ANO5: variants seen among roughly 807,000 people sequenced by gnomAD.
ANO5 encodes anoctamin-5.
Under a neutral mutation model 121.0 loss-of-function variants are expected in ANO5, and 109 were observed. The ratio of observed to expected loss-of-function variants is 0.90; its 90% confidence interval spans 0.77 to 1.06. The LOEUF (loss-of-function observed/expected upper bound fraction) is 1.06. ANO5 is among the 50% of genes least tolerant of loss of function. The pLI is 0.00. For missense variants in ANO5, 1,064 were observed against 1,078.5 expected, an observed-to-expected ratio of 0.99 and a Z score of 0.19; for synonymous variants, 406 against 359.9, an observed-to-expected ratio of 1.13 and a Z score of -1.45.
chr11:22,225,317 C>T (rs983698122), intron 5 of ANO5, among the ~76,000 whole-genome samples: 5 of 151,740 alleles, frequency 3.3e-5, no homozygotes, highest in Non-Finnish European at 5.9e-5. Context: ...AAAAATTATC[C>T]GAGTGTGGAG....
intron 2 of ANO5, among the ~76,000 whole-genome samples, chr11:22,209,333 A>T (rs1394993157): frequency 1.3e-5 from 2 of 151,946 alleles, no homozygotes; most frequent in African/African-American, 4.8e-5. Context: ...CATTAATTTT[A>T]AAAAGTCAAC....
chr11:22,196,377 G>A (rs7118233), intron 1 of ANO5, among the ~76,000 whole-genome samples: 115,154 of 152,060 alleles, frequency 0.76, 43,913 homozygotes, highest in Non-Finnish European at 0.81. Context: ...CCCTCATGAC[G>A]TAATCACCTC....
intron 13 of ANO5, 142 bp downstream of exon 13, chr11:22,255,664 TATAC>T (rs1853979498): frequency 3.3e-6 from 3 of 899,238 alleles, no homozygotes; most frequent in Non-Finnish European, 5.1e-6. Context: ...TTGTTTCTAA[TATAC>T]ATACATGTAT....
At chr11:22,252,263 A>G (rs1489422485) in intron 12 of ANO5, among the ~76,000 whole-genome samples, 2 of 152,112 alleles carry the variant, frequency 1.3e-5, no homozygotes, top group Non-Finnish European at 1.5e-5. Flanking sequence ...TGTTGTATAT[A>G]CATCCATTTT....
chr11:22,278,530 CTTT>C (rs552412650), intron 21 of ANO5, among the ~76,000 whole-genome samples: 2 of 134,730 alleles, frequency 1.5e-5, no homozygotes, highest in African/African-American at 5.4e-5. Flanking sequence ...GGTTCTTTTC[CTTT>C]TTTTTTTTTT....
chr11:22,200,190 A>G (rs538714326), intron 1 of ANO5, among the ~76,000 whole-genome samples: 2 of 152,286 alleles, frequency 1.3e-5, no homozygotes, highest in East Asian at 3.9e-4. Context: ...GTTTACAAAA[A>G]TTATTTCATT....
At chr11:22,227,655 A>T in intron 7 of ANO5, 69 bp downstream of exon 7, 2 of 1,559,656 alleles carry the variant, frequency 1.3e-6, no homozygotes, top group Non-Finnish European at 1.8e-6. Context: ...GCTTTTATAC[A>T]TGTGCAGATG....
intron 12 of ANO5, among the ~76,000 whole-genome samples, chr11:22,252,555 T>A (rs1276216007): frequency 6.6e-6 from 1 of 152,220 alleles, no homozygotes; most frequent in Non-Finnish European, 1.5e-5. Context: ...AATTTTTTTA[T>A]GATTCACATG....
At chr11:22,269,493 AAGAAAAGGAAGGAAAGAAAAAAAG>A (rs1854523071) in intron 17 of ANO5, among the ~76,000 whole-genome samples, 1 of 14,418 alleles carries the variant, frequency 6.9e-5, no homozygotes, top group African/African-American at 4.7e-4. Flanking sequence ...GGAAAGAAAA[AAGAAAAGGAAGGAAAGAAAAAAAG>A]AAAAGGAAGG....
chr11:22,257,568 G>C (rs1854043172), intron 13 of ANO5, 112 bp from the exon 14 acceptor site: 1 of 832,150 alleles, frequency 1.2e-6, no homozygotes, highest in African/African-American at 1.7e-5. Context: ...CCTATAGTAG[G>C]CCCTTTTGGG....
At position 22,245,579 on chromosome 11, in the gene ANO5, A is replaced by T. The variant is rs914467458; in HGVS notation, c.879-4658A>T. On this transcript the variant is annotated intron_variant, in intron 9 of 21. Transcript: ENST00000324559. ...TTTTATTACAGTATTATTCAATTTCATGTTATTTGGGGAGAATTATCAGAC... is the reference window on the plus strand; with the variant it reads ...TTTTATTACAGTATTATTCAATTTCTTGTTATTTGGGGAGAATTATCAGAC... Among the ~76,000 whole-genome samples the T allele has an allele frequency of 4.6e-5, 7 of 151,902 alleles. No individual in the cohort carries two copies. The East Asian group carries it at 7.7e-4, about 17-fold the overall frequency.
chr11:22,242,455 TA>T (rs1315201714), intron 9 of ANO5, among the ~76,000 whole-genome samples: 3 of 152,174 alleles, frequency 2.0e-5, no homozygotes, highest in African/African-American at 7.2e-5. Flanking sequence ...GTGATAGGAA[TA>T]ACATTGAATT....
intron 21 of ANO5, among the ~76,000 whole-genome samples, 184 bp from the exon 22 acceptor site, chr11:22,279,360 A>G (rs1854988168): frequency 6.6e-6 from 1 of 151,878 alleles, no homozygotes; most frequent in African/African-American, 2.4e-5. Context: ...ATTTAAGTAT[A>G]TATTTATTTG....
chr11:22,261,755 C>G (rs2133746054), intron 15 of ANO5: 1 of 237,914 alleles, frequency 4.2e-6, no homozygotes, highest in African/African-American at 2.3e-5. Flanking sequence ...GATTCAATGG[C>G]CTCCCACCAG....
Position 22,281,549 on chromosome 11 carries a change from T to G in ANO5, c.*1784T>G, listed in dbSNP as rs1001395714. On this transcript the variant is annotated 3_prime_UTR_variant, in exon 22 of 22. Transcript: ENST00000324559. ...AAAACAAGTCAGGCTTACCATGATG[T>G]GTGCAACCAATGTAGGATCTTTGGC... The G allele has an allele frequency of 1.5e-4, 23 of 152,092 alleles. 1 individual carries two copies. The highest frequency in any genetic ancestry group is 1.1e-3 in the Admixed American group (17 of 15,260). 9.4% of individuals were successfully genotyped at this position (152,092 alleles called of 1,614,324 possible).
Position 22,259,508 on chromosome 11 carries a change from T to C in ANO5, c.1408-11T>C. ...AGACCCAAATAGCAGTTCTTTGTTTTCCTTTCCCAGATGTCTCTTGTCGTC... is the reference window on the plus strand; with the variant it reads ...AGACCCAAATAGCAGTTCTTTGTTTCCCTTTCCCAGATGTCTCTTGTCGTC... On this transcript the variant is annotated splice_polypyrimidine_tract_variant and intron_variant, in intron 14 of 21. Transcript: ENST00000324559. The C allele has an allele frequency of 2.5e-6, 4 of 1,611,858 alleles. No homozygotes were observed. Among genetic ancestry groups the C allele is most frequent in the Non-Finnish European group, 3.4e-6 (4 of 1,177,914 alleles).
At chr11:22,222,656 A>G (rs1852692493) in intron 5 of ANO5, among the ~76,000 whole-genome samples, 2 of 144,162 alleles carry the variant, frequency 1.4e-5, no homozygotes, top group Admixed American at 6.9e-5. Context: ...ACTCTGTTAC[A>G]TATCCCGCCA....
At chr11:22,246,856 C>CAAAAAAAAAA (rs10565920) in intron 9 of ANO5, among the ~76,000 whole-genome samples, 6 of 62,196 alleles carry the variant, frequency 9.6e-5, no homozygotes, top group African/African-American at 2.4e-4. Flanking sequence ...GACCCTGTTT[C>CAAAAAAAAAA]AAAAAAAAAA....
chr11:22,239,815 T>C (rs1853365998), intron 9 of ANO5, 131 bp downstream of exon 9: 2 of 701,724 alleles, frequency 2.9e-6, no homozygotes, highest in Non-Finnish European at 2.5e-6. Context: ...ATATCTACAC[T>C]ATAAATTAGC....
Sources: gnomAD v4.1 joint callset for allele counts (sites outside exome capture counted in the v4.1 genomes callset) on GRCh38, gnomAD v4.1.1 for gene constraint, MANE v1.5 for transcripts, NCBI Gene and HGNC (gene_info 2026-07-23, HGNC 2026-07-21) for gene names.